The following IQSEC3 variants were observed in gnomAD, a reference collection of about 807,000 sequenced individuals.
IQSEC3 encodes the protein IQ motif and Sec7 domain ArfGEF 3.
Under a neutral mutation model 105.4 loss-of-function variants are expected in IQSEC3, and 50 were observed. The observed-to-expected ratio is 0.47, with a 90% CI of 0.38 to 0.60. The LOEUF is 0.60. IQSEC3 is among the 20% of genes least tolerant of loss of function. The pLI, the probability that IQSEC3 is intolerant of heterozygous loss-of-function variation, is 0.00. For missense variants in IQSEC3, 1,415 were observed against 1,630.0 expected (o/e 0.87, Z 2.27); for synonymous variants, 708 against 746.0 (o/e 0.95, Z 0.83).
At chr12:110,962 G>A (rs2011730) in intron 2 of IQSEC3, among the ~76,000 whole-genome samples, 69 of 152,224 alleles carry the variant, frequency 4.5e-4, no homozygotes, top group African/African-American at 1.6e-3. Flanking sequence ...GTTTGGATAA[G>A]GATTTAAGGA....
Position 139,251 on chromosome 12 carries a change from C to T in IQSEC3, c.1888C>T (p.Pro630Ser), listed in dbSNP as rs782768252. 7 of 1,609,326 alleles carry T rather than the reference C, an allele frequency of 4.3e-6. No homozygotes were observed. Among genetic ancestry groups the T allele is most frequent in the Non-Finnish European group, 5.9e-6 (7 of 1,178,432 alleles). Residue 630 changes from proline (P) to serine (S), a missense_variant, in exon 4 of 14, where the codon CCG becomes TCG. Physicochemically the swap from Pro to Ser is moderately conservative, Grantham distance 74 (BLOSUM62 -1). This residue lies in a region of IQSEC3 where 720 missense variants were observed against 633.0 expected (regional missense o/e 1.14). Coordinates refer to ENST00000538872, the MANE Select transcript of IQSEC3 (RefSeq NM_001170738.2). ...DALQAMILSL[P>S]RYHCENPASC... ...CCTGCAGGCCATGATCCTGAGCCTG[C>T]CGCGCTACCACTGCGAGAACCCAGC...
intron 3 of IQSEC3, among the ~76,000 whole-genome samples, chr12:130,636 C>T (rs1011776782): frequency 9.9e-5 from 15 of 152,232 alleles, no homozygotes; most frequent in South Asian, 4.1e-4. Context: ...TGAGCCATAG[C>T]GTGTCCCCCA....
rs775785792 is a variant in IQSEC3 at position 174,939 on chromosome 12, C to T, written c.3455C>T (p.Pro1152Leu). ...ACCCACCAGCCTCCGCTGCCCCCGC[C>T]CCCACCCCCCTACAACCACCCTCAC... is the stretch of plus-strand genomic sequence containing the variant. Reference protein sequence around the residue: ...KVTHQPPLPPPPPPYNHPHQF... With the variant: ...KVTHQPPLPPLPPPYNHPHQF... Residue 1152 changes from proline to leucine, a missense_variant, in exon 14 of 14, where the codon CCC (proline) becomes CTC (leucine). This residue lies in a region of IQSEC3 where 419 missense variants were observed against 436.2 expected (regional missense o/e 0.96). Coordinates refer to ENST00000538872, the MANE Select transcript of IQSEC3 (RefSeq NM_001170738.2). The T allele has an allele frequency of 2.6e-6, 4 of 1,537,830 alleles. No homozygotes were observed. The highest frequency in any genetic ancestry group is 1.2e-5 in the South Asian group (1 of 84,220).
chr12:66,800 C>G lies in IQSEC3; in HGVS notation c.-83C>G. On this transcript the variant is annotated 5_prime_UTR_variant, in exon 1 of 14. Transcript: ENST00000538872. Reference sequence around the variant, plus strand: ...CCGGTGGGAGAGGGAGGCGAGCCGACCGCTGGGCTGCTGGGCTCCCGCGCC... The same window carrying G: ...CCGGTGGGAGAGGGAGGCGAGCCGAGCGCTGGGCTGCTGGGCTCCCGCGCC... The G allele has an allele frequency of 7.9e-7, 1 of 1,261,746 alleles. No homozygotes were observed. Among genetic ancestry groups the G allele is most frequent in the Non-Finnish European group, 1.0e-6 (1 of 996,986 alleles). 78.2% of individuals were successfully genotyped at this position (1,261,746 alleles called of 1,614,324 possible).
chr12:145,819 A>G (rs993514808), intron 5 of IQSEC3, among the ~76,000 whole-genome samples: 11 of 152,180 alleles, frequency 7.2e-5, no homozygotes, highest in African/African-American at 2.7e-4. Context: ...AGTCCAGCGG[A>G]TGGGGAACGT....
chr12:162,607 TG>T (rs1866944634), intron 8 of IQSEC3, among the ~76,000 whole-genome samples: 1 of 152,216 alleles, frequency 6.6e-6, no homozygotes, highest in Non-Finnish European at 1.5e-5. Context: ...CTCATATTCT[TG>T]CCTCAGGGGA....
In IQSEC3 at chr12:138,736, G is replaced by C; in HGVS notation, c.1373G>C (p.Ser458Thr). ...GAGGCCGAGGGGCGGGCGCCGGAGA[G>C]CGCGGGCCCCGGGCCCGGGGATGAC... ...GLEAEGRAPE[S>T]AGPGPGDDAA... The change falls in exon 4 of 14, where the codon AGC becomes ACC. Residue 458 changes from serine to threonine, a missense_variant. Transcript: ENST00000538872. This position sits in a 1 kb window ranked among gnomAD's most constrained non-coding sequence, Gnocchi z 7.1. 6.6e-7 allele frequency: 1 copy of C among 1,511,416 alleles called. No homozygotes were observed. Among genetic ancestry groups the C allele is most frequent in the Admixed American group, 2.1e-5 (1 of 47,650 alleles). 93.6% of individuals were successfully genotyped at this position (1,511,416 alleles called of 1,614,324 possible).
chr12:155,146 T>G (rs1429022654), intron 5 of IQSEC3, among the ~76,000 whole-genome samples: 1 of 152,214 alleles, frequency 6.6e-6, no homozygotes, highest in African/African-American at 2.4e-5. Context: ...CACGTAGGGC[T>G]GCAAAGGGTG....
At chr12:89,000 T>A (rs782522774) in intron 1 of IQSEC3, among the ~76,000 whole-genome samples, 18 of 152,172 alleles carry the variant, frequency 1.2e-4, no homozygotes, top group Admixed American at 2.6e-4. Context: ...CCCCCACAGT[T>A]CAGTAAAATA....
At chr12:93,481 AG>A (rs1382568799) in intron 1 of IQSEC3, among the ~76,000 whole-genome samples, 1 of 152,120 alleles carries the variant, frequency 6.6e-6, no homozygotes, top group Non-Finnish European at 1.5e-5. Context: ...GCAGTGTTCC[AG>A]GGAGGGTGGG....
intron 1 of IQSEC3, among the ~76,000 whole-genome samples, chr12:75,149 T>C (rs538000317): frequency 1.3e-4 from 20 of 152,398 alleles, no homozygotes; most frequent in Non-Finnish European, 2.1e-4. Context: ...ACATTTATTC[T>C]TATTAGTCTT....
rs537324924 is a variant in IQSEC3, at chr12:134,896, T to C, written c.904-3371T>C. ...ATCCCAGCACTCTGGGAGGCCAAGG[T>C]GGGCGGATCACCAAGGCACCAGGAG... On this transcript the variant is annotated intron_variant, in intron 3 of 13. Transcript: ENST00000538872. Among the ~76,000 whole-genome samples the C allele has an allele frequency of 1.1e-3, 174 of 151,978 alleles. 1 individual carries two copies. Among genetic ancestry groups the C allele is most frequent in the African/African-American group, 3.9e-3 (160 of 41,388 alleles).
At chr12:131,878 C>T (rs782705438) in intron 3 of IQSEC3, among the ~76,000 whole-genome samples, 8 of 152,150 alleles carry the variant, frequency 5.3e-5, no homozygotes, top group Admixed American at 4.6e-4. Context: ...ATGGTGAACC[C>T]GGAACTGAAT....
At chr12:168,785 T>C (rs1166010238) in intron 11 of IQSEC3, among the ~76,000 whole-genome samples, 2 of 152,046 alleles carry the variant, frequency 1.3e-5, no homozygotes, top group African/African-American at 4.8e-5. Context: ...CTCTCTGACG[T>C]TCAAGCAGAT....
In IQSEC3 at chr12:154,169, T is replaced by A. The variant is rs550135697; in HGVS notation, c.2154-2856T>A. ...AACCTGGCTGCTTCCCCCATCCCGG[T>A]CCTTGGCTCTCAGGCTCTCAGCTCA... is the stretch of plus-strand genomic sequence containing the variant. On this transcript the variant is annotated intron_variant, in intron 5 of 13. Transcript: ENST00000538872. Among the ~76,000 whole-genome samples the A allele has an allele frequency of 1.1e-4, 16 of 152,304 alleles. No individual in the cohort carries two copies. In the South Asian group the frequency reaches 3.3e-3, roughly 32 times the overall value.
intron 5 of IQSEC3, chr12:148,593 A>G (rs1475271828): frequency 6.6e-6 from 1 of 152,006 alleles, no homozygotes; most frequent in Non-Finnish European, 1.5e-5. Flanking sequence ...CTTCTCTTCT[A>G]TTTTCTTAGC....
chr12:165,620 G>A, intron 10 of IQSEC3, 87 bp downstream of exon 10: 2 of 1,566,550 alleles, frequency 1.3e-6, no homozygotes, highest in Non-Finnish European at 1.8e-6. Context: ...GGGCTGGACA[G>A]CAGAGTGGGT....
At chr12:150,226 A>G (rs1866451935) in intron 5 of IQSEC3, among the ~76,000 whole-genome samples, 2 of 152,190 alleles carry the variant, frequency 1.3e-5, no homozygotes, top group African/African-American at 2.4e-5. Flanking sequence ...GAGAATTCAG[A>G]ATACGCGTGT....
chr12:136,504 C>T (rs930011434), intron 3 of IQSEC3, among the ~76,000 whole-genome samples: 1 of 152,096 alleles, frequency 6.6e-6, no homozygotes, highest in African/African-American at 2.4e-5. Flanking sequence ...TCCAGTGGAG[C>T]AGGAAGCAGG....
Sources: allele counts gnomAD v4.1 joint callset (sites outside exome capture counted in the v4.1 genomes callset), GRCh38; gene constraint gnomAD v4.1.1; regional missense constraint gnomAD v4.1.1; non-coding constraint Gnocchi (gnomAD v3.1); transcripts MANE v1.5; gene names NCBI Gene and HGNC (gene_info 2026-07-23, HGNC 2026-07-21).